LAMA4: variants seen among roughly 807,000 people sequenced by gnomAD.
LAMA4 encodes the protein laminin subunit alpha 4.
In LAMA4, 127 loss-of-function variants were observed where a neutral mutation model predicts 207.1. The ratio of observed to expected loss-of-function variants is 0.61; its 90% CI spans 0.53 to 0.71. The LOEUF is 0.71. Among genes scored for constraint, LAMA4 ranks in the 30% least tolerant of loss-of-function variants. The probability of loss-of-function intolerance (pLI) is 0.00; values close to 1 mark genes in which losing one functional copy is unlikely to be tolerated. For synonymous variants in LAMA4, 761 were observed against 816.0 expected, an observed-to-expected ratio of 0.93 and a Z score of 1.15; for missense variants, 2,093 against 2,246.5, an observed-to-expected ratio of 0.93 and a Z score of 1.38.
At chr6:112,197,102 A>C (rs1554350719) in intron 5 of LAMA4, among the ~76,000 whole-genome samples, 1 of 152,248 alleles carries the variant, frequency 6.6e-6, no homozygotes, top group Non-Finnish European at 1.5e-5. Flanking sequence ...TTTTTACAAC[A>C]GTGCCTGACA....
chr6:112,142,109 A>T lies in LAMA4; in HGVS notation c.2667+10T>A. 6.2e-7 allele frequency: 1 copy of T among 1,613,924 alleles called. No homozygotes were observed. The highest frequency in any genetic ancestry group is 8.5e-7 in the Non-Finnish European group (1 of 1,179,854). On this transcript the variant is annotated intron_variant, in intron 20 of 38. Coordinates refer to ENST00000230538, the MANE Select transcript of LAMA4 (RefSeq NM_001105206.3). Reference sequence around the variant, plus strand: ...AATATTATTCCCTCCTTTCAAACTCATGTGCTTACGTTTTTGCTTCCGAGG... The same window carrying T: ...AATATTATTCCCTCCTTTCAAACTCTTGTGCTTACGTTTTTGCTTCCGAGG...
At position 112,150,420 on chromosome 6, in the gene LAMA4, AC is replaced by A. The variant is rs782540554; in HGVS notation, c.2173+90del. On this transcript the variant is annotated intron_variant, in intron 17 of 38. Coordinates refer to ENST00000230538, the MANE Select transcript of LAMA4 (RefSeq NM_001105206.3). ...ATAACATTTATGTATAAAATCATTG[AC>A]AAACAAAGAATTACCTAATCCTTCC... 0.015 allele frequency: 7,188 copies of A among 472,974 alleles called. 213 individuals are homozygous for A. The East Asian group carries it at 0.16, about 11-fold the overall frequency. The allele number at this position is 472,974 out of a possible 1,614,324, so 29.3% of individuals were successfully genotyped here. A position where few individuals can be genotyped will look rare whatever the true frequency, so the allele number is the denominator to read the frequency against.
intron 17 of LAMA4, 139 bp downstream of exon 17, chr6:112,150,372 T>G (rs1780321120): frequency 1.3e-6 from 1 of 761,996 alleles, no homozygotes; most frequent in African/African-American, 1.7e-5. Flanking sequence ...TTTTTTGTGA[T>G]GAACGTATTT....
intron 21 of LAMA4, among the ~76,000 whole-genome samples, 177 bp downstream of exon 21, chr6:112,141,181 G>A (rs1286997364): frequency 1.3e-5 from 2 of 151,988 alleles, no homozygotes; most frequent in African/African-American, 4.8e-5. Flanking sequence ...TAAGGTGTTT[G>A]GGAAAGAATA....
chr6:112,119,001 C>A (rs1316478860), intron 34 of LAMA4, among the ~76,000 whole-genome samples, 155 bp downstream of exon 34: 2 of 152,138 alleles, frequency 1.3e-5, no homozygotes, highest in African/African-American at 4.8e-5. Context: ...GACAGGCAGC[C>A]CATAAGACAG....
chr6:112,245,204 T>A (rs1786821230), intron 2 of LAMA4, among the ~76,000 whole-genome samples: 1 of 152,162 alleles, frequency 6.6e-6, no homozygotes, highest in Non-Finnish European at 1.5e-5. Flanking sequence ...CATGTAGCCA[T>A]GAAGTTTGAA....
At chr6:112,181,121 C>T (rs528831974) in intron 9 of LAMA4, among the ~76,000 whole-genome samples, 5 of 152,200 alleles carry the variant, frequency 3.3e-5, no homozygotes, top group Non-Finnish European at 7.3e-5. Flanking sequence ...CTCTCTTCCT[C>T]TTTTCCATGA....
intron 9 of LAMA4, chr6:112,179,825 C>T: frequency 2.1e-6 from 1 of 474,600 alleles, no homozygotes; most frequent in Non-Finnish European, 4.3e-6. Flanking sequence ...TCACAGAGCC[C>T]ACTGTGCAGC....
chr6:112,136,870 A>G (rs1779386433), intron 24 of LAMA4, among the ~76,000 whole-genome samples: 1 of 152,220 alleles, frequency 6.6e-6, no homozygotes, highest in Non-Finnish European at 1.5e-5. Context: ...TTGAAAATAG[A>G]GTATAGTATA....
intron 2 of LAMA4, among the ~76,000 whole-genome samples, chr6:112,220,858 C>T (rs1380845161): frequency 5.9e-5 from 9 of 152,030 alleles, no homozygotes; most frequent in African/African-American, 2.2e-4. Flanking sequence ...AAGTGGGTAC[C>T]AATCTAAGTA....
At position 112,129,970 on chromosome 6, in the gene LAMA4, G is replaced by A; in HGVS notation, c.4039C>T (p.Gln1347Ter). ...AAGTAAAACTTCTTTTCACTTGCTTGTGTCTGTTCTATTTTCCCTTTGGTA... is the reference window on the plus strand; with the variant it reads ...AAGTAAAACTTCTTTTCACTTGCTTATGTCTGTTCTATTTTCCCTTTGGTA... ...NPTKGKIEQTQASEKKFYFGG... is the reference protein window; with the variant it reads ...NPTKGKIEQT Residue 1347 changes from glutamine (Q) to a stop codon, truncating the protein, a stop_gained, in exon 30 of 39, where the codon CAA becomes TAA. Transcript: ENST00000230538. LOFTEE classifies it high-confidence loss of function. 1 of 1,613,134 alleles carries A rather than the reference G, an allele frequency of 6.2e-7. No individual in the cohort carries two copies. The highest frequency in any genetic ancestry group is 8.5e-7 in the Non-Finnish European group (1 of 1,179,330).
chr6:112,195,134 A>G (rs1783335877), intron 5 of LAMA4, among the ~76,000 whole-genome samples: 1 of 152,140 alleles, frequency 6.6e-6, no homozygotes, highest in Non-Finnish European at 1.5e-5. Flanking sequence ...TGGCACTGAA[A>G]GTCTTTGTCA....
intron 5 of LAMA4, among the ~76,000 whole-genome samples, chr6:112,198,119 TGA>T (rs1361072222): frequency 4.6e-5 from 7 of 152,134 alleles, no homozygotes; most frequent in Admixed American, 3.3e-4. Context: ...CACAAAGCAG[TGA>T]GAGTCCTGGT....
At chr6:112,200,874 G>T (rs972353933) in intron 5 of LAMA4, among the ~76,000 whole-genome samples, 2 of 151,968 alleles carry the variant, frequency 1.3e-5, no homozygotes, top group African/African-American at 4.8e-5. Flanking sequence ...ACATACCGGG[G>T]CCTGTCAGTG....
intron 22 of LAMA4, 79 bp from the exon 23 acceptor site, chr6:112,139,964 A>C: frequency 7.0e-7 from 1 of 1,436,660 alleles, no homozygotes; most frequent in Middle Eastern, 1.7e-4. Context: ...AATGCAACTA[A>C]TAGTAGGTCA....
In LAMA4 at chr6:112,117,893, G is replaced by C. The variant is rs371027685; in HGVS notation, c.4827C>G (p.Asn1609Lys). 3.1e-6 allele frequency: 5 copies of C among 1,612,934 alleles called. No individual in the cohort carries two copies. The highest frequency in any genetic ancestry group is 1.6e-4 in the Middle Eastern group (1 of 6,076). Reference sequence around the variant, plus strand: ...GACAGCCACTAAAACTGTAGATGGAGTTAATCTGAGGGAAGAAGATATTTC... The same window carrying C: ...GACAGCCACTAAAACTGTAGATGGACTTAATCTGAGGGAAGAAGATATTTC... ...PGKAVKNVQI[N>K]SIYSFSGCLS... is the part of the protein sequence containing the mutation. Residue 1609 changes from asparagine to lysine, a missense_variant, in exon 35 of 39, where the codon AAC becomes AAG. By Grantham distance (94) the Asn-to-Lys change is moderately conservative. Coordinates refer to ENST00000230538, the MANE Select transcript of LAMA4 (RefSeq NM_001105206.3). This position sits in a 1 kb window ranked among gnomAD's most constrained non-coding sequence, Gnocchi z 4.5.
At position 112,109,218 on chromosome 6, in the gene LAMA4, C is replaced by T. The variant is rs1304153822; in HGVS notation, c.*219G>A. ...TGTGCTCTCAATACAAGTAAGTTTG[C>T]CACTCCTTCAATTGTTGTCCATTGC... On this transcript the variant is annotated 3_prime_UTR_variant, in exon 39 of 39. Coordinates refer to ENST00000230538, the MANE Select transcript of LAMA4 (RefSeq NM_001105206.3). 4 of 581,286 alleles carry T rather than the reference C, an allele frequency of 6.9e-6. No individual in the cohort carries two copies. The highest frequency in any genetic ancestry group is 1.9e-5 in the African/African-American group (1 of 53,478). 36.0% of individuals were successfully genotyped at this position (581,286 alleles called of 1,614,324 possible).
intron 3 of LAMA4, among the ~76,000 whole-genome samples, chr6:112,210,006 C>T (rs1184909622): frequency 6.6e-6 from 1 of 151,028 alleles, no homozygotes; most frequent in East Asian, 1.9e-4. Flanking sequence ...GCACCTCCCC[C>T]TTTGTGCTCT....
intron 13 of LAMA4, among the ~76,000 whole-genome samples, chr6:112,159,915 G>C (rs991369657): frequency 3.3e-5 from 5 of 152,104 alleles, no homozygotes; most frequent in African/African-American, 1.2e-4. Flanking sequence ...GAAAGCCTGA[G>C]TTTTCCTGTG....
Sources: allele counts gnomAD v4.1 joint callset (sites outside exome capture counted in the v4.1 genomes callset), GRCh38; gene constraint gnomAD v4.1.1; non-coding constraint Gnocchi (gnomAD v3.1); transcripts MANE v1.5; gene names NCBI Gene and HGNC (gene_info 2026-07-23, HGNC 2026-07-21).